Variants in ANKRD26 observed in about 807,000 individuals in gnomAD.
The protein encoded by ANKRD26 is ankyrin repeat domain 26.
ANKRD26 carries 141 observed loss-of-function variants against 208.7 expected under a neutral mutation model. The observed-to-expected ratio is 0.68, with a 90% CI of 0.59 to 0.78. The LOEUF (loss-of-function observed/expected upper bound fraction) is 0.78, where lower values mean the gene tolerates loss of function less well. Ranked by LOEUF, ANKRD26 falls within the 30% of genes least tolerant of loss-of-function variation. ANKRD26 has a pLI of 0.00. For missense variants in ANKRD26, 1,889 were observed against 1,938.7 expected (o/e 0.97, Z 0.48); for synonymous variants, 636 against 660.4 (o/e 0.96, Z 0.57).
rs779682353 is a variant in ANKRD26, at chr10:27,035,120, T to C, written c.3330A>G (p.Glu1110=). Residue 1110 remains glutamate (E), a synonymous_variant, in exon 24 of 34, where the codon GAA becomes GAG. Coordinates refer to ENST00000376087, the MANE Select transcript of ANKRD26 (RefSeq NM_014915.3). ...GTTCATTTTGATACTTTTGTTCCATTTCCTTCATTTGACACTGTGTTTGGC... is the reference window on the plus strand; with the variant it reads ...GTTCATTTTGATACTTTTGTTCCATCTCCTTCATTTGACACTGTGTTTGGC... ...DLSQTQCQMK[E]MEQKYQNEQV... is the part of the protein sequence containing the mutation. 6.2e-6 allele frequency: 10 copies of C among 1,613,096 alleles called. No individual in the cohort carries two copies. The highest frequency in any genetic ancestry group is 1.3e-5 in the African/African-American group (1 of 74,936).
intron 9 of ANKRD26, chr10:27,076,895 T>C (rs2055718586): frequency 6.0e-6 from 1 of 165,900 alleles, no homozygotes. Flanking sequence ...CCACACGGAT[T>C]CACAGCTAAA....
rs1216099292 is a variant in ANKRD26, at chr10:27,035,683, T to G, written c.2767A>C (p.Met923Leu). 1 of 1,603,232 alleles carries G rather than the reference T, an allele frequency of 6.2e-7. No homozygotes were observed. Among genetic ancestry groups the G allele is most frequent in the Non-Finnish European group, 8.5e-7 (1 of 1,176,974 alleles). Residue 923 changes from methionine to leucine, a missense_variant, in exon 24 of 34, where the codon ATG (methionine) becomes CTG (leucine). Coordinates refer to ENST00000376087, the MANE Select transcript of ANKRD26 (RefSeq NM_014915.3). Reference sequence around the variant, plus strand: ...ATTGTGTCTATTTCTAGTCTTAGCATAGCAATTTCTTCCTGCAACATGCTA... The same window carrying G: ...ATTGTGTCTATTTCTAGTCTTAGCAGAGCAATTTCTTCCTGCAACATGCTA... ...KNSMLQEEIAMLRLEIDTIKN... is the reference protein window; with the variant it reads ...KNSMLQEEIALLRLEIDTIKN...
intron 4 of ANKRD26, among the ~76,000 whole-genome samples, chr10:27,087,504 G>A (rs977501735): frequency 1.3e-5 from 2 of 152,042 alleles, no homozygotes; most frequent in Non-Finnish European, 1.5e-5. Context: ...CCTAATTTTG[G>A]TTATTAGTTA....
At chr10:27,060,199 T>C (rs2055002073) in intron 15 of ANKRD26, 146 bp downstream of exon 15, 1 of 693,412 alleles carries the variant, frequency 1.4e-6, no homozygotes, top group South Asian at 1.8e-5. Context: ...CAAGACTCGG[T>C]CTCAATTAAA....
At position 27,067,215 on chromosome 10, in the gene ANKRD26, C is replaced by G; in HGVS notation, c.1149G>C (p.Glu383Asp). The G allele has an allele frequency of 6.2e-7, 1 of 1,613,730 alleles. No homozygotes were observed. Among genetic ancestry groups the G allele is most frequent in the South Asian group, 1.1e-5 (1 of 91,072 alleles). The change falls in exon 10 of 34, where the codon GAG becomes GAC. Residue 383 changes from glutamate to aspartate, a missense_variant. Transcript: ENST00000376087. ...GIDIIESAPL[E>D]QTNNDNLTYV... ...AAGTCAAATTGTCATTATTTGTTTG[C>G]TCTAGTGGAGCACTTTCAATAATAT...
downstream of ANKRD26, among the ~76,000 whole-genome samples, chr10:26,970,163 T>C (rs114779068): frequency 9.6e-3 from 1,456 of 152,146 alleles, 28 homozygotes; most frequent in African/African-American, 0.033. Context: ...ACTAGATAAT[T>C]GTAAAGTACA....
chr10:26,998,494 T>C (rs923017045), intron 4 of ANKRD26, among the ~76,000 whole-genome samples: 1 of 125,614 alleles, frequency 8.0e-6, no homozygotes, highest in African/African-American at 2.7e-5. Context: ...AGCCATCTCT[T>C]AGCTTTAGCC....
At position 27,046,521 on chromosome 10, in the gene ANKRD26, C is replaced by T. The variant is rs775584015; in HGVS notation, c.1817G>A (p.Ser606Asn). The change falls in exon 18 of 34, where the codon AGT (serine) becomes AAT (asparagine). Residue 606 changes from serine (S) to asparagine (N), a missense_variant and splice_region_variant. This residue lies in a region of ANKRD26 where 1,272 missense variants were observed against 1,273.8 expected (regional missense o/e 1.00). Coordinates refer to ENST00000376087, the MANE Select transcript of ANKRD26 (RefSeq NM_014915.3). ...PRKENKEYASSGPALQMKEVK... is the reference protein window; with the variant it reads ...PRKENKEYASNGPALQMKEVK... The stretch of plus-strand genomic sequence containing the variant: ...TTCCTTCATTTGCAAGGCAGGACCA[C>T]TACTTTAAAAAATCCATGGGAAATG... The T allele has an allele frequency of 1.9e-6, 3 of 1,612,306 alleles. No individual in the cohort carries two copies. Among genetic ancestry groups the T allele is most frequent in the African/African-American group, 2.7e-5 (2 of 74,190 alleles).
downstream of ANKRD26, among the ~76,000 whole-genome samples, chr10:26,972,102 G>A (rs1371526907): frequency 1.3e-5 from 2 of 151,990 alleles, no homozygotes; most frequent in East Asian, 1.9e-4. Flanking sequence ...AGGCGTGGTG[G>A]CGGGCGCCTG....
Position 27,034,927 on chromosome 10 carries a change from C to G in ANKRD26, c.3523G>C (p.Val1175Leu), listed in dbSNP as rs769819784. ...TCACTCTCAGCTTGAAGTTTTTGCA[C>G]AATAGCATGAAACTGGTCTTGGATA... ...INIQDQFHAIVQKLQAESEKQ... is the reference protein window; with the variant it reads ...INIQDQFHAILQKLQAESEKQ... Residue 1175 changes from valine to leucine, a missense_variant, in exon 24 of 34, where the codon GTG (valine) becomes CTG (leucine). This residue lies in a region of ANKRD26 where 613 missense variants were observed against 648.2 expected (regional missense o/e 0.95). Coordinates refer to ENST00000376087, the MANE Select transcript of ANKRD26 (RefSeq NM_014915.3). 2 of 1,613,978 alleles carry G rather than the reference C, an allele frequency of 1.2e-6. No homozygotes were observed. The highest frequency in any genetic ancestry group is 2.2e-5 in the South Asian group (2 of 91,058).
chr10:26,954,540 TA>T, the ANKRD26 span, among the ~76,000 whole-genome samples: 68 of 150,480 alleles, frequency 4.5e-4, no homozygotes, highest in East Asian at 9.7e-4. Flanking sequence ...GTCTATTTCT[TA>T]AAAAAAAAAT....
chr10:27,046,538 T>C lies in ANKRD26; in HGVS notation c.1815-15A>G, dbSNP rs369548455. 23 of 1,610,972 alleles carry C rather than the reference T, an allele frequency of 1.4e-5. No individual in the cohort carries two copies. In the African/African-American group the frequency reaches 2.6e-4, roughly 18 times the overall value. On this transcript the variant is annotated splice_polypyrimidine_tract_variant and intron_variant, in intron 17 of 33. Coordinates refer to ENST00000376087, the MANE Select transcript of ANKRD26 (RefSeq NM_014915.3). ...CAGGACCACTACTTTAAAAAATCCA[T>C]GGGAAATGACAGTTACATAAGAAAA...
At chr10:27,028,585 C>CAAAAAAAAAAA (rs11294303) in intron 27 of ANKRD26, among the ~76,000 whole-genome samples, 32 of 76,056 alleles carry the variant, frequency 4.2e-4, no homozygotes, top group African/African-American at 1.5e-3. Flanking sequence ...GACTCCATCT[C>CAAAAAAAAAAA]AAAAAAAAAA....
At chr10:26,987,580 C>T (rs1312039662), downstream of ANKRD26, among the ~76,000 whole-genome samples, 1 of 152,164 alleles carries the variant, frequency 6.6e-6, no homozygotes. Context: ...TATCCAGTGG[C>T]ATCTCCTGTA....
chr10:27,067,649 A>G (rs2055311344), intron 9 of ANKRD26, among the ~76,000 whole-genome samples: 1 of 152,144 alleles, frequency 6.6e-6, no homozygotes, highest in Non-Finnish European at 1.5e-5. Flanking sequence ...AAAGAAGCAG[A>G]TCCCATGAGA....
chr10:26,974,966 C>T (rs528789824), exon 6 of ANKRD26, among the ~76,000 whole-genome samples: 1 of 152,232 alleles, frequency 6.6e-6, no homozygotes, highest in South Asian at 2.1e-4. Flanking sequence ...AGTTTTATTA[C>T]AATATGTCTA....
At chr10:27,040,756 G>A (rs1198956332) in intron 20 of ANKRD26, among the ~76,000 whole-genome samples, 2 of 152,266 alleles carry the variant, frequency 1.3e-5, no homozygotes, top group Non-Finnish European at 2.9e-5. Context: ...GTGGCCGGGC[G>A]TAGTGGGTCA....
intron 29 of ANKRD26, among the ~76,000 whole-genome samples, chr10:27,019,199 G>A (rs924895436): frequency 1.3e-5 from 2 of 152,118 alleles, no homozygotes; most frequent in African/African-American, 4.8e-5. Flanking sequence ...AAAATGGCAT[G>A]AACCCAGGAG....
At chr10:27,096,702 G>T (rs1387036786) in intron 1 of ANKRD26, among the ~76,000 whole-genome samples, 2 of 147,142 alleles carry the variant, frequency 1.4e-5, no homozygotes, top group Non-Finnish European at 3.0e-5. Flanking sequence ...GGAGGAGAAG[G>T]TTACAGTGAG....
Sources: allele counts gnomAD v4.1 joint callset (sites outside exome capture counted in the v4.1 genomes callset), GRCh38; gene constraint gnomAD v4.1.1; regional missense constraint gnomAD v4.1.1; transcripts MANE v1.5; gene names NCBI Gene and HGNC (gene_info 2026-07-23, HGNC 2026-07-21).